Variants in RAPGEF6 observed in about 807,000 individuals in gnomAD.
RAPGEF6 encodes PDZ domain containing guanine nucleotide exchange factor (GEF) 2.
A neutral mutation model predicts 171.4 loss-of-function variants in RAPGEF6; 56 were observed. The observed-to-expected ratio is 0.33, with a 90% confidence interval of 0.26 to 0.41. The LOEUF (loss-of-function observed/expected upper bound fraction) is 0.41, where lower values mean the gene tolerates loss of function less well. RAPGEF6 is among the 10% of genes least tolerant of loss of function. The probability of loss-of-function intolerance (pLI) is 1.00; values close to 1 mark genes in which losing one functional copy is unlikely to be tolerated. For missense variants in RAPGEF6, 1,674 were observed against 1,921.4 expected, an observed-to-expected ratio of 0.87 and a Z score of 2.41; for synonymous variants, 692 against 650.1, an observed-to-expected ratio of 1.06 and a Z score of -0.98.
At chr5:131,474,834 T>A (rs1413054076) in intron 16 of RAPGEF6, among the ~76,000 whole-genome samples, 1 of 152,148 alleles carries the variant, frequency 6.6e-6, no homozygotes, top group African/African-American at 2.4e-5. Context: ...ACACATCAAT[T>A]TTTGGACACA....
chr5:131,532,904 T>C (rs1189985311), intron 6 of RAPGEF6: 1 of 152,610 alleles, frequency 6.6e-6, no homozygotes, highest in Non-Finnish European at 1.5e-5. Context: ...TACAAAACCA[T>C]TATATCTTCT....
chr5:131,475,647 T>C (rs1274549866), intron 16 of RAPGEF6, among the ~76,000 whole-genome samples: 1 of 152,182 alleles, frequency 6.6e-6, no homozygotes, highest in Non-Finnish European at 1.5e-5. Flanking sequence ...GAAAAACAGA[T>C]TTCCTGAAAT....
intron 5 of RAPGEF6, among the ~76,000 whole-genome samples, chr5:131,556,977 T>C (rs1453377721): frequency 1.3e-5 from 2 of 152,194 alleles, no homozygotes; most frequent in Non-Finnish European, 2.9e-5. Flanking sequence ...GTTGGTTTTA[T>C]AGACGGGAGT....
At chr5:131,482,096 G>T (rs553841605) in intron 15 of RAPGEF6, among the ~76,000 whole-genome samples, 1 of 152,286 alleles carries the variant, frequency 6.6e-6, no homozygotes, top group African/African-American at 2.4e-5. Flanking sequence ...TTCAACAGAA[G>T]GATGATACCA....
At chr5:131,441,609 TAAG>T (rs1471700329) in intron 23 of RAPGEF6, among the ~76,000 whole-genome samples, 1 of 152,200 alleles carries the variant, frequency 6.6e-6, no homozygotes, top group African/African-American at 2.4e-5. Flanking sequence ...ACCCCTGGCA[TAAG>T]AAGAAGACAC....
chr5:131,453,413 T>C (rs1263819130), intron 20 of RAPGEF6, among the ~76,000 whole-genome samples: 2 of 152,094 alleles, frequency 1.3e-5, no homozygotes, highest in Non-Finnish European at 2.9e-5. Context: ...AATGATAAAC[T>C]GTGCATGGCT....
rs1454263250 is a variant in RAPGEF6 at position 131,635,022 on chromosome 5, T to G, written c.9A>C (p.Ser3=). Residue 3 remains serine (S), a synonymous_variant, in exon 1 of 28, where the codon TCA becomes TCC. Coordinates refer to ENST00000509018, the MANE Select transcript of RAPGEF6 (RefSeq NM_016340.6). The stretch of plus-strand genomic sequence containing the variant: ...CCTGCCTAGCGCCAGGGTCCACGGG[T>G]GAGTTCATGGCCACGGCCCGGGTAC... MN[S]PVDPGARQAL... is the part of the protein sequence containing the mutation. 1 of 1,611,122 alleles carries G rather than the reference T, an allele frequency of 6.2e-7. No individual in the cohort carries two copies. Among genetic ancestry groups the G allele is most frequent in the Non-Finnish European group, 8.5e-7 (1 of 1,177,804 alleles).
At chr5:131,517,966 T>G (rs1179040428) in intron 7 of RAPGEF6, among the ~76,000 whole-genome samples, 1 of 152,080 alleles carries the variant, frequency 6.6e-6, no homozygotes, top group Non-Finnish European at 1.5e-5. Context: ...TTTTTTCAAC[T>G]TTTAACTATA....
chr5:131,548,642 C>G (rs1272795830), intron 5 of RAPGEF6, among the ~76,000 whole-genome samples: 1 of 152,084 alleles, frequency 6.6e-6, no homozygotes, highest in Non-Finnish European at 1.5e-5. Flanking sequence ...TAATGCATGA[C>G]AACAGCCACA....
intron 9 of RAPGEF6, among the ~76,000 whole-genome samples, chr5:131,505,792 ACT>A (rs1474901429): frequency 6.6e-6 from 1 of 152,140 alleles, no homozygotes; most frequent in African/African-American, 2.4e-5. Flanking sequence ...AAGAGCACAA[ACT>A]CTTGGAATAT....
chr5:131,538,762 T>C (rs780450461), intron 6 of RAPGEF6, among the ~76,000 whole-genome samples: 18 of 152,184 alleles, frequency 1.2e-4, no homozygotes, highest in Non-Finnish European at 2.2e-4. Flanking sequence ...ATATTTTACA[T>C]TTCTACAATA....
At chr5:131,617,617 T>A (rs114861663) in intron 1 of RAPGEF6, among the ~76,000 whole-genome samples, 1,588 of 152,172 alleles carry the variant, frequency 0.01, 20 homozygotes, top group African/African-American at 0.036. Context: ...CACCCCCAGT[T>A]AGCAGTGGCT....
At chr5:131,572,223 C>T (rs918939305) in intron 4 of RAPGEF6, among the ~76,000 whole-genome samples, 6 of 152,106 alleles carry the variant, frequency 3.9e-5, no homozygotes, top group African/African-American at 9.7e-5. Flanking sequence ...CCTGTCCTCA[C>T]GCTCCCTCCG....
intron 3 of RAPGEF6, among the ~76,000 whole-genome samples, chr5:131,601,737 A>G (rs1764267648): frequency 6.6e-6 from 1 of 152,178 alleles, no homozygotes; most frequent in South Asian, 2.1e-4. Context: ...AATGGTTATT[A>G]AAATTGGCAC....
At position 131,504,596 on chromosome 5, in the gene RAPGEF6, G is replaced by GATAGAATAAAATT. The variant is rs776249972; in HGVS notation, c.1254+29_1254+30insAATTTTATTCTAT. Reference sequence around the variant, plus strand: ...AAGCTTTGATGATAGAATAAAATCAGTGACTAGAAAAATAAGTAAAAACAC... The same window carrying GATAGAATAAAATT: ...AAGCTTTGATGATAGAATAAAATCAGATAGAATAAAATTTGACTAGAAAAATAAGTAAAAACAC... On this transcript the variant is annotated intron_variant, in intron 11 of 27. Coordinates refer to ENST00000509018, the MANE Select transcript of RAPGEF6 (RefSeq NM_016340.6). 9 of 1,537,058 alleles carry GATAGAATAAAATT rather than the reference G, an allele frequency of 5.9e-6. No homozygotes were observed. In the East Asian group the frequency reaches 1.9e-4, roughly 32 times the overall value.
rs564931227 is a variant in RAPGEF6 at position 131,450,815 on chromosome 5, T to G, written c.3200+2239A>C. On this transcript the variant is annotated intron_variant, in intron 21 of 27. Coordinates refer to ENST00000509018, the MANE Select transcript of RAPGEF6 (RefSeq NM_016340.6). ...TCAGTCCAATCTTTAAAAAAGATGT[T>G]TTTTATTTTCCCCCAATACCTTATT... Among the ~76,000 whole-genome samples, 9 of 152,348 alleles carry G rather than the reference T, an allele frequency of 5.9e-5. No individual in the cohort carries two copies. In the East Asian group the frequency reaches 1.7e-3, roughly 29 times the overall value.
At chr5:131,472,964 T>G in intron 16 of RAPGEF6, 1 of 512,898 alleles carries the variant, frequency 1.9e-6, no homozygotes, top group Non-Finnish European at 3.5e-6. Flanking sequence ...TACATCTAAG[T>G]AATTCTACTA....
chr5:131,578,410 C>T (rs1189228510), intron 4 of RAPGEF6, among the ~76,000 whole-genome samples: 1 of 152,128 alleles, frequency 6.6e-6, no homozygotes, highest in African/African-American at 2.4e-5. Flanking sequence ...TCTTGTCTCC[C>T]GGCACCTCCA....
In RAPGEF6 at chr5:131,433,675, C is replaced by T. The variant is rs534440355; in HGVS notation, c.3746-17G>A. Reference sequence around the variant, plus strand: ...GTGTGTAACCTGAACAAGAAAAGAGCACTGATCAAACTACAAAAAAAGGGA... The same window carrying T: ...GTGTGTAACCTGAACAAGAAAAGAGTACTGATCAAACTACAAAAAAAGGGA... On this transcript the variant is annotated splice_polypyrimidine_tract_variant and intron_variant, in intron 24 of 27. Transcript: ENST00000509018. 1 of 1,557,166 alleles carries T rather than the reference C, an allele frequency of 6.4e-7. No individual in the cohort carries two copies. The highest frequency in any genetic ancestry group is 1.7e-5 in the Admixed American group (1 of 59,768).
Sources: gnomAD v4.1 joint callset for allele counts (sites outside exome capture counted in the v4.1 genomes callset) on GRCh38, gnomAD v4.1.1 for gene constraint, MANE v1.5 for transcripts, NCBI Gene and HGNC (gene_info 2026-07-23, HGNC 2026-07-21) for gene names.